Variants in EYS observed in about 807,000 individuals in gnomAD.
The protein encoded by EYS is protein eyes shut homolog.
Under a neutral mutation model 282.1 loss-of-function variants are expected in EYS, and 250 were observed. That is an observed-to-expected ratio of 0.89 (90% CI 0.80 to 0.98). The LOEUF (loss-of-function observed/expected upper bound fraction) is 0.98, where lower values mean the gene tolerates loss of function less well. Among genes scored for constraint, EYS ranks in the 50% least tolerant of loss-of-function variants. EYS has a pLI of 0.00. For synonymous variants in EYS, 1,355 were observed against 1,282.9 expected, an observed-to-expected ratio of 1.06 and a Z score of -1.20; for missense variants, 4,016 against 3,709.0, an observed-to-expected ratio of 1.08 and a Z score of -2.15.
chr6:65,422,852 G>GT (rs750871551), intron 5 of EYS, among the ~76,000 whole-genome samples: 2 of 151,502 alleles, frequency 1.3e-5, no homozygotes, highest in East Asian at 3.9e-4. Context: ...ATATATGTAT[G>GT]TTTATGTGTA....
intron 1 of EYS, among the ~76,000 whole-genome samples, chr6:65,663,418 A>T (rs1768074935): frequency 6.6e-6 from 1 of 152,194 alleles, no homozygotes; most frequent in Admixed American, 6.6e-5. Context: ...TCCCATTTAC[A>T]AAAAGGAAGG....
intron 5 of EYS, among the ~76,000 whole-genome samples, chr6:65,406,960 T>G (rs899398154): frequency 1.3e-5 from 2 of 152,122 alleles, no homozygotes; most frequent in African/African-American, 4.8e-5. Flanking sequence ...TTTTATAGTT[T>G]CCTATAAATT....
chr6:64,968,737 G>A (rs184592004), intron 14 of EYS, among the ~76,000 whole-genome samples: 221 of 152,176 alleles, frequency 1.5e-3, no homozygotes, highest in Admixed American at 2.9e-3. Context: ...GCCATGGTGT[G>A]CCCCCAGATC....
At chr6:65,329,031 TA>T (rs1769702894) in intron 11 of EYS, among the ~76,000 whole-genome samples, 2 of 151,242 alleles carry the variant, frequency 1.3e-5, no homozygotes, top group African/African-American at 4.8e-5. Flanking sequence ...GTTATACCTA[TA>T]AAAACGATTT....
At chr6:65,400,518 G>A (rs775720916) in intron 7 of EYS, among the ~76,000 whole-genome samples, 4 of 151,652 alleles carry the variant, frequency 2.6e-5, no homozygotes, top group Non-Finnish European at 5.9e-5. Context: ...ACATTTTTAT[G>A]CTAACTTCCC....
intron 26 of EYS, among the ~76,000 whole-genome samples, chr6:64,548,017 C>T (rs546259962): frequency 2.0e-5 from 3 of 152,218 alleles, no homozygotes; most frequent in Non-Finnish European, 4.4e-5. Context: ...ACTCGTGCTG[C>T]AGCCCTGGTT....
chr6:65,520,377 A>G lies in EYS; in HGVS notation c.-332-24384T>C, dbSNP rs150369333. The stretch of plus-strand genomic sequence containing the variant: ...TGAGTGTAACAAGGCTATTGCTAAG[A>G]TAACAAGACATATGTTGAACTGGCT... On this transcript the variant is annotated intron_variant, in intron 2 of 42. Transcript: ENST00000503581. Among the ~76,000 whole-genome samples, 956 of 152,272 alleles carry G rather than the reference A, an allele frequency of 6.3e-3. 37 individuals are homozygous for G. The highest frequency in any genetic ancestry group is 0.051 in the Admixed American group (783 of 15,284).
chr6:64,678,937 A>G (rs1769797939), intron 22 of EYS, among the ~76,000 whole-genome samples: 1 of 151,692 alleles, frequency 6.6e-6, no homozygotes, highest in Admixed American at 6.6e-5. Flanking sequence ...CAATAAGCAA[A>G]GATTGTGCCA....
At chr6:64,641,781 G>A (rs1313670246) in intron 22 of EYS, among the ~76,000 whole-genome samples, 4 of 152,086 alleles carry the variant, frequency 2.6e-5, no homozygotes, top group East Asian at 1.9e-4. Context: ...GTCTCCTGTC[G>A]CACCAGCAGC....
At chr6:64,201,171 G>A (rs2150322396) in intron 31 of EYS, among the ~76,000 whole-genome samples, 1 of 152,240 alleles carries the variant, frequency 6.6e-6, no homozygotes, top group East Asian at 1.9e-4. Flanking sequence ...ATCCATTCAA[G>A]TAAGGATAGG....
At chr6:63,864,082 A>G in intron 36 of EYS, 104 bp downstream of exon 36, 3 of 1,058,096 alleles carry the variant, frequency 2.8e-6, no homozygotes, top group Non-Finnish European at 3.8e-6. Flanking sequence ...AGAAGATTTG[A>G]TGTATTTGAT....
At chr6:64,321,006 T>A (rs1048677759) in intron 29 of EYS, among the ~76,000 whole-genome samples, 3 of 151,752 alleles carry the variant, frequency 2.0e-5, no homozygotes, top group Non-Finnish European at 4.4e-5. Flanking sequence ...ATTACCCTGA[T>A]TCCCTACTCA....
intron 35 of EYS, among the ~76,000 whole-genome samples, chr6:63,944,037 A>C (rs1765318157): frequency 6.6e-6 from 1 of 152,186 alleles, no homozygotes; most frequent in African/African-American, 2.4e-5. Flanking sequence ...CAGAGAGAAA[A>C]GCAGAATAAA....
intron 31 of EYS, among the ~76,000 whole-genome samples, chr6:64,102,411 A>G (rs1411712704): frequency 6.6e-6 from 1 of 152,150 alleles, no homozygotes; most frequent in African/African-American, 2.4e-5. Context: ...ATGAATATTG[A>G]CAATAACACT....
chr6:65,247,176 T>C (rs1452044986), intron 12 of EYS, among the ~76,000 whole-genome samples: 1 of 152,084 alleles, frequency 6.6e-6, no homozygotes, highest in Non-Finnish European at 1.5e-5. Context: ...TAATCATCTT[T>C]CTTATCACTC....
intron 26 of EYS, among the ~76,000 whole-genome samples, chr6:64,451,583 T>C (rs1187798369): frequency 6.6e-6 from 1 of 152,114 alleles, no homozygotes; most frequent in Admixed American, 6.5e-5. Context: ...CCAATATCCT[T>C]GACGAACATT....
At chr6:65,281,591 C>T (rs183794916) in intron 12 of EYS, among the ~76,000 whole-genome samples, 8 of 152,230 alleles carry the variant, frequency 5.3e-5, no homozygotes, top group African/African-American at 1.7e-4. Context: ...TACATTTGAA[C>T]GTGTAATCAT....
intron 26 of EYS, among the ~76,000 whole-genome samples, chr6:64,542,327 C>T (rs919719289): frequency 2.0e-5 from 3 of 152,000 alleles, no homozygotes. Flanking sequence ...TCATGCTTAC[C>T]AATTTATTAT....
At chr6:65,443,993 G>T (rs1031662536) in intron 5 of EYS, among the ~76,000 whole-genome samples, 3 of 151,496 alleles carry the variant, frequency 2.0e-5, no homozygotes, top group African/African-American at 7.3e-5. Flanking sequence ...AGTAATAATA[G>T]ACTTTAATAA....
Sources: allele counts gnomAD v4.1 joint callset (sites outside exome capture counted in the v4.1 genomes callset), GRCh38; gene constraint gnomAD v4.1.1; transcripts MANE v1.5; gene names NCBI Gene and HGNC (gene_info 2026-07-23, HGNC 2026-07-21).